The following ACSS3 variants were observed in gnomAD, a reference collection of about 807,000 sequenced individuals.
ACSS3 encodes acyl-CoA synthetase short chain family member 3.
A neutral mutation model predicts 84.2 loss-of-function variants in ACSS3; 64 were observed. That is an observed-to-expected ratio of 0.76 (90% CI 0.62 to 0.94). The LOEUF (loss-of-function observed/expected upper bound fraction) is 0.94. Among genes scored for constraint, ACSS3 ranks in the 40% least tolerant of loss-of-function variants. The pLI, the probability that ACSS3 is intolerant of heterozygous loss-of-function variation, is 0.00. For missense variants in ACSS3, 815 were observed against 867.6 expected (o/e 0.94, Z 0.76); for synonymous variants, 317 against 310.1 (o/e 1.02, Z -0.23).
rs144523384 is a variant in ACSS3, at chr12:81,255,207, A to G, written c.*285A>G. ...TCTAGTGTATTATTTTTAAAATTGT[A>G]CCTCCCAAGAAGAACACTTTAATTG... On this transcript the variant is annotated 3_prime_UTR_variant, in exon 16 of 16. Transcript: ENST00000548058. The G allele has an allele frequency of 6.0e-4, 133 of 222,124 alleles. No individual in the cohort carries two copies. Among genetic ancestry groups the G allele is most frequent in the Non-Finnish European group, 9.0e-4 (104 of 115,038 alleles). 13.8% of individuals were successfully genotyped at this position (222,124 alleles called of 1,614,324 possible).
At chr12:81,163,040 G>A (rs373450237) in intron 7 of ACSS3, among the ~76,000 whole-genome samples, 114 of 151,890 alleles carry the variant, frequency 7.5e-4, no homozygotes, top group African/African-American at 2.7e-3. Context: ...GCGGCCCAGA[G>A]GACTGGGATC....
chr12:81,183,043 A>T (rs2031041382), intron 8 of ACSS3, among the ~76,000 whole-genome samples: 1 of 152,192 alleles, frequency 6.6e-6, no homozygotes, highest in African/African-American at 2.4e-5. Context: ...CACTGCTTGT[A>T]GAAAGAAGCC....
At chr12:81,241,516 G>T (rs1173081485) in intron 13 of ACSS3, among the ~76,000 whole-genome samples, 2 of 151,984 alleles carry the variant, frequency 1.3e-5, no homozygotes, top group Non-Finnish European at 2.9e-5. Flanking sequence ...TGACTTTTTA[G>T]TGATCGCCAT....
intron 1 of ACSS3, among the ~76,000 whole-genome samples, chr12:81,099,223 A>G (rs539347468): frequency 2.6e-5 from 4 of 152,238 alleles, no homozygotes; most frequent in South Asian, 4.1e-4. Flanking sequence ...ATTCTACTTT[A>G]GAAAAAGAGC....
chr12:81,181,154 TCCCAGTGTTAGAAAGACAAGAACA>T (rs900032963), intron 8 of ACSS3, among the ~76,000 whole-genome samples: 3 of 152,132 alleles, frequency 2.0e-5, no homozygotes, highest in Non-Finnish European at 1.5e-5. Flanking sequence ...AGCTAAGACT[TCCCAGTGTTAGAAAGACAAGAACA>T]GTAGGATCTC....
At chr12:81,147,761 A>ATT (rs201935852) in intron 5 of ACSS3, among the ~76,000 whole-genome samples, 5 of 151,150 alleles carry the variant, frequency 3.3e-5, no homozygotes, top group African/African-American at 1.2e-4. Context: ...AGAACCATTC[A>ATT]TTTTTTTTCT....
rs1372021467 is a variant in ACSS3 at position 81,078,350 on chromosome 12, G to A, written c.230G>A (p.Trp77Ter). 3 of 1,612,530 alleles carry A rather than the reference G, an allele frequency of 1.9e-6. No individual in the cohort carries two copies. The highest frequency in any genetic ancestry group is 2.5e-6 in the Non-Finnish European group (3 of 1,179,974). The change falls in exon 1 of 16, where the codon TGG becomes TAG. Residue 77 changes from tryptophan (W) to a stop codon, truncating the protein, a stop_gained. Coordinates refer to ENST00000548058, the MANE Select transcript of ACSS3 (RefSeq NM_024560.4). LOFTEE classifies it high-confidence loss of function. ...AASVTDPERF[W>*]GKAAEQISWY... is the part of the protein sequence containing the mutation. ...TCGGTGACCGACCCCGAGAGGTTCT[G>A]GGGCAAAGCTGCCGAGCAGATCAGC...
In ACSS3 at chr12:81,249,704, G is replaced by A. The variant is rs1295255246; in HGVS notation, c.1720-3603G>A. Reference sequence around the variant, plus strand: ...CCTGAGTATTCACATGAATATTGATGAGTATCTGGAATCTCTCTGACAAGT... The same window carrying A: ...CCTGAGTATTCACATGAATATTGATAAGTATCTGGAATCTCTCTGACAAGT... On this transcript the variant is annotated intron_variant, in intron 13 of 15. Transcript: ENST00000548058. 4.6e-5 allele frequency among the ~76,000 whole-genome samples: 7 copies of A among 152,010 alleles called. 1 individual carries two copies. In the East Asian group the frequency reaches 1.3e-3, roughly 29 times the overall value.
chr12:81,152,143 T>C (rs1886641787), intron 7 of ACSS3, 47 bp downstream of exon 7: 1 of 1,518,204 alleles, frequency 6.6e-7, no homozygotes, highest in Non-Finnish European at 9.0e-7. Context: ...TTTATTTTAT[T>C]AAAACTTTTC....
chr12:81,170,096 A>G (rs7977292), intron 7 of ACSS3, among the ~76,000 whole-genome samples: 69,711 of 151,954 alleles, frequency 0.46, 16,542 homozygotes, highest in Non-Finnish European at 0.52. Flanking sequence ...GAAGAAATGG[A>G]ATCATAGGAT....
At chr12:81,102,771 G>C (rs1882627016) in intron 1 of ACSS3, among the ~76,000 whole-genome samples, 1 of 151,766 alleles carries the variant, frequency 6.6e-6, no homozygotes, top group Non-Finnish European at 1.5e-5. Context: ...GGAGGTTGCA[G>C]TGAGCCGAGA....
intron 9 of ACSS3, among the ~76,000 whole-genome samples, chr12:81,212,512 CCTT>C (rs2135930078): frequency 6.7e-6 from 1 of 149,492 alleles, no homozygotes; most frequent in East Asian, 1.9e-4. Flanking sequence ...CCATTCTTCT[CCTT>C]CTTTGAAAGA....
At chr12:81,090,884 A>G (rs950215266) in intron 1 of ACSS3, among the ~76,000 whole-genome samples, 3 of 152,074 alleles carry the variant, frequency 2.0e-5, no homozygotes, top group Non-Finnish European at 4.4e-5. Context: ...CAAAATCTGC[A>G]GATGCTCAAA....
At chr12:81,103,637 A>C (rs1882714692) in intron 1 of ACSS3, among the ~76,000 whole-genome samples, 1 of 152,110 alleles carries the variant, frequency 6.6e-6, no homozygotes, top group Non-Finnish European at 1.5e-5. Flanking sequence ...AACATTGCCT[A>C]CAGAACCTAC....
intron 1 of ACSS3, among the ~76,000 whole-genome samples, chr12:81,089,949 G>A (rs1881566658): frequency 6.6e-6 from 1 of 152,028 alleles, no homozygotes; most frequent in African/African-American, 2.4e-5. Flanking sequence ...ACCCAGTTGG[G>A]TCACACTGTA....
intron 1 of ACSS3, among the ~76,000 whole-genome samples, chr12:81,107,555 T>C: frequency 8.2e-6 from 1 of 121,220 alleles, no homozygotes; most frequent in East Asian, 2.5e-4. Flanking sequence ...TATATATATA[T>C]ATATAAATGT....
intron 8 of ACSS3, among the ~76,000 whole-genome samples, chr12:81,192,785 C>A (rs2031638224): frequency 6.6e-6 from 1 of 152,166 alleles, no homozygotes; most frequent in Non-Finnish European, 1.5e-5. Flanking sequence ...ATTACTGTTT[C>A]CAATTAGCAA....
chr12:81,226,864 CA>C (rs2033290287), intron 11 of ACSS3, among the ~76,000 whole-genome samples: 1 of 151,708 alleles, frequency 6.6e-6, no homozygotes, highest in Admixed American at 6.6e-5. Context: ...AACAAAGATC[CA>C]ATTACATCTT....
At chr12:81,158,457 T>C (rs555734524) in intron 7 of ACSS3, 2 of 153,672 alleles carry the variant, frequency 1.3e-5, no homozygotes, top group Non-Finnish European at 2.9e-5. Context: ...TCTTCTCCAA[T>C]TGCTGTCACC....
Sources: allele counts gnomAD v4.1 joint callset (sites outside exome capture counted in the v4.1 genomes callset), GRCh38; gene constraint gnomAD v4.1.1; transcripts MANE v1.5; gene names NCBI Gene and HGNC (gene_info 2026-07-23, HGNC 2026-07-21).